Variants in WDR47 observed in about 807,000 individuals in gnomAD.
WDR47 encodes the protein WD repeat domain 47, also known as WD repeat-containing protein 47.
Under a neutral mutation model 97.2 loss-of-function variants are expected in WDR47, and 32 were observed. The observed-to-expected ratio is 0.33, with a 90% CI of 0.25 to 0.44. WDR47 has a LOEUF of 0.44. Ranked by LOEUF, WDR47 falls within the 20% of genes least tolerant of loss-of-function variation. The probability of loss-of-function intolerance (pLI) is 1.00; values close to 1 mark genes in which losing one functional copy is unlikely to be tolerated. For missense variants in WDR47, 782 were observed against 1,102.3 expected (o/e 0.71, Z 4.11); for synonymous variants, 375 against 373.5 (o/e 1.00, Z -0.05).
chr1:109,026,246 T>C (rs1662206959), intron 1 of WDR47, among the ~76,000 whole-genome samples: 4 of 152,002 alleles, frequency 2.6e-5, no homozygotes, highest in African/African-American at 9.7e-5. Flanking sequence ...AGACGGGATC[T>C]ACCTATGTTG....
chr1:109,011,738 G>T lies in WDR47; in HGVS notation c.328-20C>A. On this transcript the variant is annotated intron_variant, in intron 4 of 14. Transcript: ENST00000369962. ...TTCCAGCTGTAAGAAAAATATAAAT[G>T]ATCAAATAATCACTATAAAAAACAT... 2 of 1,551,602 alleles carry T rather than the reference G, an allele frequency of 1.3e-6. No homozygotes were observed. Among genetic ancestry groups the T allele is most frequent in the Non-Finnish European group, 1.7e-6 (2 of 1,149,552 alleles).
chr1:109,017,921 C>T (rs1231429997), intron 2 of WDR47, among the ~76,000 whole-genome samples: 3 of 151,426 alleles, frequency 2.0e-5, no homozygotes, highest in East Asian at 2.0e-4. Flanking sequence ...TAATTCTTTT[C>T]TATTTTTAGT....
At chr1:109,010,784 G>A (rs1353261572) in intron 5 of WDR47, 132 bp downstream of exon 5, 38 of 860,430 alleles carry the variant, frequency 4.4e-5, no homozygotes, top group Middle Eastern at 7.1e-4. Context: ...GGGTTTCACC[G>A]TGTTAGCCAG....
chr1:108,985,425 C>G (rs1181211093), intron 10 of WDR47, among the ~76,000 whole-genome samples: 2 of 152,222 alleles, frequency 1.3e-5, no homozygotes, highest in African/African-American at 4.8e-5. Flanking sequence ...AAGTCTTTCT[C>G]TGACTCGCCA....
At chr1:108,990,734 A>G (rs1329898449) in intron 9 of WDR47, among the ~76,000 whole-genome samples, 1 of 152,046 alleles carries the variant, frequency 6.6e-6, no homozygotes, top group Non-Finnish European at 1.5e-5. Context: ...CTAGGAAAGG[A>G]TGTTTGCTTC....
At chr1:108,983,782 AT>A (rs202044908) in intron 10 of WDR47, among the ~76,000 whole-genome samples, 35 of 100,286 alleles carry the variant, frequency 3.5e-4, no homozygotes, top group African/African-American at 8.9e-4. Flanking sequence ...ATGCTTCCAA[AT>A]TTAAAAAAAA....
chr1:109,022,868 G>A (rs960072747), intron 2 of WDR47, among the ~76,000 whole-genome samples: 1 of 151,688 alleles, frequency 6.6e-6, no homozygotes, highest in Non-Finnish European at 1.5e-5. Context: ...TTACAGGCGT[G>A]AGCCACCACG....
At chr1:109,021,643 ATT>A (rs1465301582) in intron 2 of WDR47, among the ~76,000 whole-genome samples, 2 of 151,868 alleles carry the variant, frequency 1.3e-5, no homozygotes, top group Non-Finnish European at 2.9e-5. Context: ...GTAAACTGAA[ATT>A]TTTTATTTGT....
intron 14 of WDR47, among the ~76,000 whole-genome samples, chr1:108,974,038 A>T (rs1471558732): frequency 6.6e-6 from 1 of 152,186 alleles, no homozygotes; most frequent in Non-Finnish European, 1.5e-5. Flanking sequence ...TACAGAAGAT[A>T]CAAATATTAG....
chr1:109,031,291 G>T (rs1400961904), intron 1 of WDR47, among the ~76,000 whole-genome samples: 1 of 140,054 alleles, frequency 7.1e-6, no homozygotes, highest in Admixed American at 7.7e-5. Flanking sequence ...CTGGAACTGT[G>T]AATGATTTTT....
In WDR47 at chr1:109,011,514, C is replaced by T; in HGVS notation, c.532G>A (p.Ala178Thr). The change falls in exon 5 of 15, where the codon GCT becomes ACT. Residue 178 changes from alanine (A) to threonine (T), a missense_variant. Transcript: ENST00000369962. ...ACVMVAEFIP[A>T]DRKLSEAGFK... Reference sequence around the variant, plus strand: ...CCAGCTTCACTTAGCTTCCTATCAGCAGGGATGAATTCTGCAACCATGACA... The same window carrying T: ...CCAGCTTCACTTAGCTTCCTATCAGTAGGGATGAATTCTGCAACCATGACA... The T allele has an allele frequency of 6.2e-7, 1 of 1,614,172 alleles. No homozygotes were observed. The highest frequency in any genetic ancestry group is 8.5e-7 in the Non-Finnish European group (1 of 1,180,028).
At chr1:108,974,489 C>A (rs1171107386) in intron 14 of WDR47, 47 bp downstream of exon 14, 2 of 1,525,674 alleles carry the variant, frequency 1.3e-6, no homozygotes, top group East Asian at 4.6e-5. Context: ...ATAAAGGTCC[C>A]AAATAGAACA....
At chr1:109,012,242 T>C (rs1288809228) in intron 4 of WDR47, among the ~76,000 whole-genome samples, 1 of 152,104 alleles carries the variant, frequency 6.6e-6, no homozygotes, top group East Asian at 1.9e-4. Flanking sequence ...AGCCACTCTG[T>C]TAGTCCAAAC....
intron 2 of WDR47, among the ~76,000 whole-genome samples, chr1:109,020,829 A>C (rs1661782323): frequency 6.6e-6 from 1 of 151,536 alleles, no homozygotes; most frequent in African/African-American, 2.4e-5. Flanking sequence ...AAGCTTTGTT[A>C]TTGCTGTTAT....
chr1:109,018,598 C>T (rs762403138), intron 2 of WDR47, among the ~76,000 whole-genome samples: 2 of 151,936 alleles, frequency 1.3e-5, no homozygotes, highest in East Asian at 1.9e-4. Flanking sequence ...GCAATTCACT[C>T]GAGCTCAGGA....
At chr1:108,994,155 TG>T (rs1324000189) in intron 8 of WDR47, among the ~76,000 whole-genome samples, 1 of 152,128 alleles carries the variant, frequency 6.6e-6, no homozygotes, top group East Asian at 1.9e-4. Flanking sequence ...TCCAGCACTT[TG>T]GGAGGCCGAG....
intron 2 of WDR47, among the ~76,000 whole-genome samples, chr1:109,020,101 A>AT (rs1661716729): frequency 6.6e-6 from 1 of 152,024 alleles, no homozygotes; most frequent in African/African-American, 2.4e-5. Flanking sequence ...AAATTAACAT[A>AT]AAGAAATTTT....
intron 14 of WDR47, among the ~76,000 whole-genome samples, chr1:108,971,849 A>G (rs1383063313): frequency 6.6e-6 from 1 of 152,058 alleles, no homozygotes; most frequent in Non-Finnish European, 1.5e-5. Flanking sequence ...GTGCCACTTC[A>G]TCTTTTGCTA....
intron 2 of WDR47, among the ~76,000 whole-genome samples, chr1:109,021,574 A>G (rs1661846190): frequency 2.6e-5 from 4 of 151,890 alleles, no homozygotes. Flanking sequence ...CTGTAGAGCA[A>G]TTATTTAAGA....
Sources: gnomAD v4.1 joint callset for allele counts (sites outside exome capture counted in the v4.1 genomes callset) on GRCh38, gnomAD v4.1.1 for gene constraint, MANE v1.5 for transcripts, NCBI Gene and HGNC (gene_info 2026-07-23, HGNC 2026-07-21) for gene names.